The following LRPAP1 variants were observed in gnomAD, a reference collection of about 807,000 sequenced individuals.
LRPAP1 encodes the protein alpha-2-macroglobulin receptor-associated protein.
In LRPAP1, 41 loss-of-function variants were observed where a neutral mutation model predicts 39.9. That is an observed-to-expected ratio of 1.03 (90% CI 0.80 to 1.33). The LOEUF (loss-of-function observed/expected upper bound fraction) is 1.33. Among genes scored for constraint, LRPAP1 ranks in the 40% most tolerant of loss-of-function variants. The pLI is 0.00. For missense variants in LRPAP1, 565 were observed against 482.3 expected (o/e 1.17, Z -1.61); for synonymous variants, 263 against 212.7 (o/e 1.24, Z -2.06).
At position 3,505,711 on chromosome 4, in the gene LRPAP1, A is replaced by G. The variant is rs2108683074; in HGVS notation, c.*7263T>C. On this transcript the variant is annotated 3_prime_UTR_variant, in exon 8 of 8. Coordinates refer to ENST00000650182, the MANE Select transcript of LRPAP1 (RefSeq NM_002337.4). ...TACCAGCTACCCCAAGACCGTCTAT[A>G]CCAGCTACGCCAAGACCGTCTATAC... 6.6e-6 allele frequency among the ~76,000 whole-genome samples: 1 copy of G among 152,244 alleles called. No individual in the cohort carries two copies. The highest frequency in any genetic ancestry group is 1.9e-4 in the East Asian group (1 of 5,184).
rs1168007201 is a variant in LRPAP1, at chr4:3,508,559, G to A, written c.*4415C>T. 6 of 152,224 alleles carry A rather than the reference G, an allele frequency of 3.9e-5. No homozygotes were observed. In the East Asian group the frequency reaches 1.2e-3, roughly 29 times the overall value. 9.4% of individuals were successfully genotyped at this position (152,224 alleles called of 1,614,324 possible). On this transcript the variant is annotated 3_prime_UTR_variant, in exon 8 of 8. Transcript: ENST00000650182. Reference sequence around the variant, plus strand: ...TTCCTACACAGGAGGTCCTTAGCCCGGTATGAGCAAATCTCATCTGGCCAT... The same window carrying A: ...TTCCTACACAGGAGGTCCTTAGCCCAGTATGAGCAAATCTCATCTGGCCAT...
chr4:3,524,903 G>C lies in LRPAP1; in HGVS notation c.349+4C>G. 6.2e-7 allele frequency: 1 copy of C among 1,614,024 alleles called. No individual in the cohort carries two copies. Among genetic ancestry groups the C allele is most frequent in the South Asian group, 1.1e-5 (1 of 91,084 alleles). ...GACCTGCATTAGGAAAGAAACAAAC[G>C]TACCATTGAGGTTGCGTATGAGTCT... On this transcript the variant is annotated splice_donor_region_variant and intron_variant, in intron 2 of 7. Coordinates refer to ENST00000650182, the MANE Select transcript of LRPAP1 (RefSeq NM_002337.4).
intron 7 of LRPAP1, 84 bp downstream of exon 7, chr4:3,514,668 C>A: frequency 3.4e-6 from 5 of 1,487,536 alleles, no homozygotes; most frequent in Non-Finnish European, 1.8e-6. Context: ...ACCCCATCTA[C>A]AGGAAGCCCT....
In LRPAP1 at chr4:3,523,660, A is replaced by G. The variant is rs529283783; in HGVS notation, c.349+1247T>C. Among the ~76,000 whole-genome samples, 19 of 152,272 alleles carry G rather than the reference A, an allele frequency of 1.2e-4. No individual in the cohort carries two copies. In the East Asian group the frequency reaches 3.7e-3, roughly 29 times the overall value. On this transcript the variant is annotated intron_variant, in intron 2 of 7. Coordinates refer to ENST00000650182, the MANE Select transcript of LRPAP1 (RefSeq NM_002337.4). ...GGGACGACAACGAGTTTTGAGGAGT[A>G]GGTGTTAGAGCATCAGGCCTAACGA...
rs937788498 is a variant in LRPAP1, at chr4:3,518,024, G to T, written c.751+10C>A. ...CCCTCGGGAACCAACAGTCCCGGGC[G>T]GGCACTCACCAGCCTCAGTGCTGTA... is the stretch of plus-strand genomic sequence containing the variant. On this transcript the variant is annotated intron_variant, in intron 5 of 7. Transcript: ENST00000650182. The T allele has an allele frequency of 3.1e-6, 5 of 1,595,624 alleles. No homozygotes were observed. The African/African-American group carries it at 6.7e-5, about 21-fold the overall frequency.
rs760447478 is a variant in LRPAP1 at position 3,514,899 on chromosome 4, G to A, written c.864C>T (p.Ile288=). ...GCTTCTGGTAGTGGTTGTGCTTCTC[G>A]ATTTTGGCTTCGAAGTGCTTGAGCT... ...REELKHFEAK[I]EKHNHYQKQL... The change falls in exon 7 of 8, where the codon ATC becomes ATT. Residue 288 remains isoleucine, a synonymous_variant. Coordinates refer to ENST00000650182, the MANE Select transcript of LRPAP1 (RefSeq NM_002337.4). 3.7e-6 allele frequency: 6 copies of A among 1,613,700 alleles called. No homozygotes were observed. Among genetic ancestry groups the A allele is most frequent in the South Asian group, 1.1e-5 (1 of 91,094 alleles).
rs879076318 is a variant in LRPAP1 at position 3,506,906 on chromosome 4, T to C, written c.*6068A>G. On this transcript the variant is annotated 3_prime_UTR_variant, in exon 8 of 8. Transcript: ENST00000650182. ...ACATATCTGAGGAAGGACTCACACC[T>C]AGACCTGGGAATAACGCTAAGACCA... 2.6e-5 allele frequency: 4 copies of C among 152,246 alleles called. No homozygotes were observed. Among genetic ancestry groups the C allele is most frequent in the Non-Finnish European group, 5.9e-5 (4 of 68,044 alleles). 9.4% of individuals were successfully genotyped at this position (152,246 alleles called of 1,614,324 possible).
intron 2 of LRPAP1, among the ~76,000 whole-genome samples, chr4:3,523,971 G>A (rs368908927): frequency 2.0e-5 from 3 of 152,136 alleles, no homozygotes; most frequent in Admixed American, 1.3e-4. Context: ...AGGGAGCAGC[G>A]GGGGAGGGGA....
intron 1 of LRPAP1, among the ~76,000 whole-genome samples, chr4:3,528,100 C>G (rs955383062): frequency 6.6e-6 from 1 of 152,214 alleles, no homozygotes; most frequent in Non-Finnish European, 1.5e-5. Flanking sequence ...CAGAGGAAGA[C>G]CAGCAGGTCA....
chr4:3,528,341 T>C (rs1246505288), intron 1 of LRPAP1, among the ~76,000 whole-genome samples: 1 of 152,066 alleles, frequency 6.6e-6, no homozygotes, highest in Non-Finnish European at 1.5e-5. Context: ...GCCGACCGTG[T>C]CCTCCTGACC....
Position 3,505,866 on chromosome 4 carries a change from G to A in LRPAP1, c.*7108C>T, listed in dbSNP as rs1297983671. Among the ~76,000 whole-genome samples the A allele has an allele frequency of 6.6e-6, 1 of 152,232 alleles. No homozygotes were observed. Among genetic ancestry groups the A allele is most frequent in the African/African-American group, 2.4e-5 (1 of 41,464 alleles). ...AGAGATGACCTTTCAGATGGATGCT[G>A]ACCCAGCAGGCTGGGCTGAGCTGGG... On this transcript the variant is annotated 3_prime_UTR_variant, in exon 8 of 8. Coordinates refer to ENST00000650182, the MANE Select transcript of LRPAP1 (RefSeq NM_002337.4).
At chr4:3,517,873 G>C in intron 5 of LRPAP1, 161 bp downstream of exon 5, 1 of 777,086 alleles carries the variant, frequency 1.3e-6, no homozygotes, top group Non-Finnish European at 1.9e-6. Flanking sequence ...TCCTGGGAGC[G>C]AGGCCTGTGA....
chr4:3,517,965 G>A (rs1729772553), intron 5 of LRPAP1, 69 bp downstream of exon 5: 2 of 1,522,684 alleles, frequency 1.3e-6, no homozygotes, highest in East Asian at 4.6e-5. Context: ...GCACCTGCCT[G>A]CTTGTCCCCA....
chr4:3,532,201 G>T lies in LRPAP1; in HGVS notation c.204+8C>A, dbSNP rs982435203. The stretch of plus-strand genomic sequence containing the variant: ...GGCCCCGCTCCACCGACCGCGGGCC[G>T]CGCTCACTCGCTGGGCCTTCTCCCA... On this transcript the variant is annotated splice_region_variant and intron_variant, in intron 1 of 7. Coordinates refer to ENST00000650182, the MANE Select transcript of LRPAP1 (RefSeq NM_002337.4). 2.6e-6 allele frequency: 4 copies of T among 1,548,102 alleles called. No homozygotes were observed. The African/African-American group carries it at 5.5e-5, about 21-fold the overall frequency.
chr4:3,517,893 G>T, intron 5 of LRPAP1, 141 bp downstream of exon 5: 1 of 1,070,026 alleles, frequency 9.3e-7, no homozygotes, highest in Non-Finnish European at 1.3e-6. Context: ...ACCACCCGTG[G>T]GTAGACTGAG....
chr4:3,525,126 G>A (rs769352351), intron 1 of LRPAP1, 75 bp from the exon 2 acceptor site: 10 of 1,574,820 alleles, frequency 6.3e-6, no homozygotes, highest in Middle Eastern at 1.7e-4. Flanking sequence ...GACCTCGGAG[G>A]AGGCTGGCCA....
chr4:3,515,980 C>T (rs746652247), intron 6 of LRPAP1, 136 bp downstream of exon 6: 77 of 842,250 alleles, frequency 9.1e-5, no homozygotes, highest in Admixed American at 6.7e-4. Context: ...GCAGGTTCAC[C>T]GAGTGGTTAA....
chr4:3,527,177 C>T (rs1730103576), intron 1 of LRPAP1, among the ~76,000 whole-genome samples: 1 of 152,122 alleles, frequency 6.6e-6, no homozygotes, highest in South Asian at 2.1e-4. Context: ...TCCCTGGCAG[C>T]CTTCGACACA....
intron 5 of LRPAP1, among the ~76,000 whole-genome samples, chr4:3,517,301 G>A (rs912642886): frequency 1.3e-5 from 2 of 152,254 alleles, no homozygotes; most frequent in Admixed American, 1.3e-4. Flanking sequence ...GAGACGAGGC[G>A]GTGGCTCTGC....
Sources: gnomAD v4.1 joint callset for allele counts (sites outside exome capture counted in the v4.1 genomes callset) on GRCh38, gnomAD v4.1.1 for gene constraint, MANE v1.5 for transcripts, NCBI Gene and HGNC (gene_info 2026-07-23, HGNC 2026-07-21) for gene names.